ZSCAN5A: variants seen among roughly 807,000 people sequenced by gnomAD.
ZSCAN5A encodes the protein zinc finger and SCAN domain containing 5A.
In ZSCAN5A, 12 loss-of-function variants were observed where a neutral mutation model predicts 23.7. The ratio of observed to expected loss-of-function variants is 0.51; its 90% CI spans 0.32 to 0.82. The LOEUF is 0.82. Ranked by LOEUF, ZSCAN5A falls within the 40% of genes least tolerant of loss-of-function variation. ZSCAN5A has a pLI of 0.03. For synonymous variants in ZSCAN5A, 257 were observed against 239.9 expected (o/e 1.07, Z -0.66); for missense variants, 597 against 617.9 (o/e 0.97, Z 0.36).
At chr19:56,302,131 G>A (rs1332162475) in intron 2 of ZSCAN5A, 21 of 1,226,174 alleles carry the variant, frequency 1.7e-5, no homozygotes, top group Non-Finnish European at 2.0e-5. Context: ...AGGAGTGTGA[G>A]GAGAGGAAGG....
intron 4 of ZSCAN5A, 22 bp downstream of exon 4, chr19:56,223,609 C>A: frequency 1.2e-6 from 2 of 1,612,376 alleles, no homozygotes; most frequent in South Asian, 2.2e-5. Context: ...TCTGCCCAGA[C>A]ACCAAGGCCT....
At chr19:56,255,620 T>C (rs75955846) in intron 2 of ZSCAN5A, among the ~76,000 whole-genome samples, 1 of 152,006 alleles carries the variant, frequency 6.6e-6, no homozygotes, top group Non-Finnish European at 1.5e-5. Flanking sequence ...CTTTTTTTTT[T>C]TCTCCCTCAA....
rs1025065405 is a variant in ZSCAN5A at position 56,353,539 on chromosome 19, G to A, written c.-358+9696C>T. ...AATCCCAGCATTTTGGGAGGCCGAG[G>A]CGGGCGAATCAGGAGGTCAGGAGGT... is the stretch of plus-strand genomic sequence containing the variant. On this transcript the variant is annotated intron_variant, in intron 2 of 6. Transcript: ENST00000587340. Among the ~76,000 whole-genome samples, 3 of 152,128 alleles carry A rather than the reference G, an allele frequency of 2.0e-5. No individual in the cohort carries two copies. In the East Asian group the frequency reaches 5.8e-4, roughly 29 times the overall value.
At chr19:56,280,322 A>G (rs558001115) in intron 2 of ZSCAN5A, among the ~76,000 whole-genome samples, 4 of 152,306 alleles carry the variant, frequency 2.6e-5, no homozygotes, top group Admixed American at 2.6e-4. Flanking sequence ...CTTGTATGGA[A>G]GTCCACAATT....
chr19:56,265,474 A>G (rs982407572), intron 2 of ZSCAN5A, among the ~76,000 whole-genome samples: 5 of 151,598 alleles, frequency 3.3e-5, no homozygotes, highest in African/African-American at 1.2e-4. Flanking sequence ...GAGAGATCCA[A>G]TGGAAGGAAG....
upstream of ZSCAN5A, among the ~76,000 whole-genome samples, chr19:56,318,882 A>T (rs2041344732): frequency 6.6e-6 from 1 of 152,174 alleles, no homozygotes; most frequent in African/African-American, 2.4e-5. Flanking sequence ...TATGAGGCAG[A>T]CCACCGTGGC....
At chr19:56,316,551 G>A (rs1205867012), upstream of ZSCAN5A, 2 of 158,296 alleles carry the variant, frequency 1.3e-5, no homozygotes, top group Non-Finnish European at 2.8e-5. Context: ...CATTAGTGAG[G>A]AGGGGGGAAA....
chr19:56,347,317 A>C (rs1355716931), intron 2 of ZSCAN5A: 1 of 152,236 alleles, frequency 6.6e-6, no homozygotes, highest in African/African-American at 2.4e-5. Context: ...ACAAGGTGAT[A>C]GGCGCGGGGC....
intron 2 of ZSCAN5A, among the ~76,000 whole-genome samples, chr19:56,304,067 T>C (rs73618167): frequency 0.027 from 4,089 of 152,154 alleles, 188 homozygotes; most frequent in African/African-American, 0.092. Flanking sequence ...CAAGATCCCT[T>C]CTGAGTTATC....
At chr19:56,241,406 C>T (rs563783588) in intron 2 of ZSCAN5A, among the ~76,000 whole-genome samples, 324 of 152,202 alleles carry the variant, frequency 2.1e-3, no homozygotes, top group Non-Finnish European at 2.9e-3. Context: ...ATTTTAGGCT[C>T]TCTTTTCTCT....
At chr19:56,313,237 T>C (rs2041155317) in intron 2 of ZSCAN5A, 46 bp downstream of exon 2, 6 of 342,588 alleles carry the variant, frequency 1.8e-5, no homozygotes, top group South Asian at 1.4e-4. Flanking sequence ...GATAAAGACA[T>C]ATCCAAGACT....
intron 2 of ZSCAN5A, among the ~76,000 whole-genome samples, chr19:56,341,701 G>GAAAAA (rs1568760130): frequency 6.7e-5 from 2 of 29,728 alleles, no homozygotes; most frequent in African/African-American, 2.2e-4. Flanking sequence ...TTACCAAAAG[G>GAAAAA]CAAAAAAAAA....
At position 56,351,834 on chromosome 19, in the gene ZSCAN5A, G is replaced by C. The variant is rs970229006; in HGVS notation, c.-358+11401C>G. On this transcript the variant is annotated intron_variant, in intron 2 of 6. Transcript: ENST00000587340. The surrounding 1 kb of genome is among the most constrained non-coding windows in gnomAD (Gnocchi z 4.8). Reference sequence around the variant, plus strand: ...ACAGGTGCAGCGAATACGAACCTGGGAAGACTGTGGTGTTTCTTTAGATGG... The same window carrying C: ...ACAGGTGCAGCGAATACGAACCTGGCAAGACTGTGGTGTTTCTTTAGATGG... Among the ~76,000 whole-genome samples, 1 of 152,192 alleles carries C rather than the reference G, an allele frequency of 6.6e-6. No homozygotes were observed. The highest frequency in any genetic ancestry group is 6.5e-5 in the Admixed American group (1 of 15,280).
intron 2 of ZSCAN5A, among the ~76,000 whole-genome samples, chr19:56,289,909 T>C (rs1363967787): frequency 1.3e-5 from 2 of 152,182 alleles, no homozygotes; most frequent in Admixed American, 6.5e-5. Flanking sequence ...CCACCACTTC[T>C]GACCCTCACA....
intron 2 of ZSCAN5A, chr19:56,321,259 C>T: frequency 3.0e-6 from 2 of 666,732 alleles, no homozygotes; most frequent in South Asian, 1.5e-5. Context: ...TCAGTAGTGC[C>T]AGCAATCATC....
intron 2 of ZSCAN5A, among the ~76,000 whole-genome samples, chr19:56,298,674 T>A (rs1433271705): frequency 1.3e-5 from 2 of 151,046 alleles, no homozygotes; most frequent in African/African-American, 4.9e-5. Flanking sequence ...AAAATCTGAA[T>A]AATCCTCTAT....
At chr19:56,315,146 T>G (rs1049298513), upstream of ZSCAN5A, 1 of 152,184 alleles carries the variant, frequency 6.6e-6, no homozygotes, top group Non-Finnish European at 1.5e-5. Context: ...CCCTGTAGTT[T>G]AGGGTTGTTT....
intron 2 of ZSCAN5A, chr19:56,321,940 C>T: frequency 1.3e-6 from 1 of 781,106 alleles, no homozygotes; most frequent in Admixed American, 1.7e-5. Flanking sequence ...TCATCATGGC[C>T]TTCTGAAGAT....
At chr19:56,272,479 T>C (rs1318005536) in intron 2 of ZSCAN5A, among the ~76,000 whole-genome samples, 8 of 152,168 alleles carry the variant, frequency 5.3e-5, no homozygotes, top group Admixed American at 5.2e-4. Flanking sequence ...TGTCATGAAA[T>C]ATTTTCTTTT....
Sources: gnomAD v4.1 joint callset for allele counts (sites outside exome capture counted in the v4.1 genomes callset) on GRCh38, gnomAD v4.1.1 for gene constraint, Gnocchi (gnomAD v3.1) non-coding constraint, MANE v1.5 for transcripts, NCBI Gene and HGNC (gene_info 2026-07-23, HGNC 2026-07-21) for gene names.